Variants in ENTPD1 observed in about 807,000 individuals in gnomAD.
ENTPD1 encodes ectonucleoside triphosphate diphosphohydrolase 1, also known as ATP diphosphohydrolase.
In ENTPD1, 33 loss-of-function variants were observed where a neutral mutation model predicts 57.0. The observed-to-expected ratio is 0.58, with a 90% CI of 0.44 to 0.77. The LOEUF (loss-of-function observed/expected upper bound fraction) is 0.77, where lower values mean the gene tolerates loss of function less well. Among genes scored for constraint, ENTPD1 ranks in the 30% least tolerant of loss-of-function variants. ENTPD1 has a pLI of 0.00. For synonymous variants in ENTPD1, 202 were observed against 218.8 expected, an observed-to-expected ratio of 0.92 and a Z score of 0.68; for missense variants, 501 against 603.4, an observed-to-expected ratio of 0.83 and a Z score of 1.78.
chr10:95,816,054 C>T (rs1438298008), intron 1 of ENTPD1, among the ~76,000 whole-genome samples: 2 of 152,146 alleles, frequency 1.3e-5, no homozygotes, highest in East Asian at 1.9e-4. Flanking sequence ...TTTCCTTTTC[C>T]GGTGGAGTGC....
At position 95,866,667 on chromosome 10, in the gene ENTPD1, T is replaced by C. The variant is rs1003296151; in HGVS notation, c.*284T>C. 1 of 1,259,108 alleles carries C rather than the reference T, an allele frequency of 7.9e-7. No homozygotes were observed. Among genetic ancestry groups the C allele is most frequent in the Non-Finnish European group, 1.0e-6 (1 of 990,122 alleles). The allele number at this position is 1,259,108 out of a possible 1,614,324, so 78.0% of individuals were successfully genotyped here. Reference sequence around the variant, plus strand: ...GGTTTTAAAGACCTGACACCTTTCATAATCTTTGCTTTATAAAAGAACAAT... The same window carrying C: ...GGTTTTAAAGACCTGACACCTTTCACAATCTTTGCTTTATAAAAGAACAAT... On this transcript the variant is annotated 3_prime_UTR_variant, in exon 10 of 10. Coordinates refer to ENST00000371205, the MANE Select transcript of ENTPD1 (RefSeq NM_001776.6).
chr10:95,820,106 A>C (rs1375737099), intron 1 of ENTPD1, among the ~76,000 whole-genome samples: 2 of 151,956 alleles, frequency 1.3e-5, no homozygotes, highest in Admixed American at 6.6e-5. Context: ...CACCTCTAGC[A>C]CCTCTTCTTT....
chr10:95,856,316 T>C (rs2098454611), intron 7 of ENTPD1, among the ~76,000 whole-genome samples: 1 of 152,140 alleles, frequency 6.6e-6, no homozygotes, highest in African/African-American at 2.4e-5. Context: ...CCTGCAAGAA[T>C]GGTCATAATT....
chr10:95,839,011 T>C (rs1425406034), intron 2 of ENTPD1, among the ~76,000 whole-genome samples: 1 of 152,210 alleles, frequency 6.6e-6, no homozygotes, highest in Non-Finnish European at 1.5e-5. Context: ...TTAAATACAA[T>C]TTTACAGTTA....
At chr10:95,804,595 A>G (rs982025409) in intron 1 of ENTPD1, among the ~76,000 whole-genome samples, 3 of 152,168 alleles carry the variant, frequency 2.0e-5, no homozygotes, top group African/African-American at 7.2e-5. Flanking sequence ...GGCTGAGACA[A>G]TGGGGTTTTC....
At chr10:95,813,773 T>C (rs1344549161) in intron 1 of ENTPD1, among the ~76,000 whole-genome samples, 1 of 152,186 alleles carries the variant, frequency 6.6e-6, no homozygotes, top group East Asian at 1.9e-4. Context: ...ATGTAACCTC[T>C]AAATTTTGTA....
intron 7 of ENTPD1, among the ~76,000 whole-genome samples, chr10:95,847,952 C>G (rs1419545652): frequency 6.6e-6 from 1 of 152,160 alleles, no homozygotes; most frequent in Non-Finnish European, 1.5e-5. Flanking sequence ...TCACTGCCTC[C>G]TTTTTGGCTC....
At chr10:95,766,210 A>G (rs1247272569) in intron 1 of ENTPD1, among the ~76,000 whole-genome samples, 2 of 152,172 alleles carry the variant, frequency 1.3e-5, no homozygotes, top group Non-Finnish European at 2.9e-5. Context: ...AGTTGTATAT[A>G]TTATGTTCCT....
At chr10:95,826,893 C>G (rs1442018893) in intron 2 of ENTPD1, among the ~76,000 whole-genome samples, 2 of 151,980 alleles carry the variant, frequency 1.3e-5, no homozygotes, top group Admixed American at 6.6e-5. Context: ...GGAGGGGGAG[C>G]CTTTGGGTTC....
At chr10:95,775,851 A>G (rs2098131821) in intron 1 of ENTPD1, among the ~76,000 whole-genome samples, 1 of 152,168 alleles carries the variant, frequency 6.6e-6, no homozygotes, top group Admixed American at 6.5e-5. Flanking sequence ...TATTTAGGAT[A>G]GTTAGCTCTT....
intron 1 of ENTPD1, among the ~76,000 whole-genome samples, chr10:95,745,183 A>T (rs1011452677): frequency 6.6e-6 from 1 of 151,982 alleles, no homozygotes. Context: ...TACTTTTTTT[A>T]AATGTTTTTT....
intron 2 of ENTPD1, among the ~76,000 whole-genome samples, chr10:95,833,097 G>C (rs1315532319): frequency 6.6e-6 from 1 of 152,208 alleles, no homozygotes; most frequent in Non-Finnish European, 1.5e-5. Flanking sequence ...ACTTTGGAAA[G>C]ATTTGCTCTG....
At chr10:95,850,245 A>G (rs928226915) in intron 7 of ENTPD1, among the ~76,000 whole-genome samples, 2 of 152,268 alleles carry the variant, frequency 1.3e-5, no homozygotes, top group Admixed American at 6.5e-5. Context: ...GCCTGCCTCT[A>G]TGTAGGATCT....
Position 95,869,550 on chromosome 10 carries a change from A to G in ENTPD1, c.*3167A>G, listed in dbSNP as rs906516124. On this transcript the variant is annotated 3_prime_UTR_variant, in exon 10 of 10. Transcript: ENST00000371205. Reference sequence around the variant, plus strand: ...CAGGAGTGAGCCACCATGCCTGGCCAGAAGTGGTTACTTCTGTAGACAAAA... The same window carrying G: ...CAGGAGTGAGCCACCATGCCTGGCCGGAAGTGGTTACTTCTGTAGACAAAA... 11 of 985,214 alleles carry G rather than the reference A, an allele frequency of 1.1e-5. No individual in the cohort carries two copies. In the African/African-American group the frequency reaches 1.7e-4, roughly 16 times the overall value. 61.0% of individuals were successfully genotyped at this position (985,214 alleles called of 1,614,324 possible).
intron 1 of ENTPD1, among the ~76,000 whole-genome samples, chr10:95,799,443 G>A (rs1156617949): frequency 6.6e-6 from 1 of 152,130 alleles, no homozygotes; most frequent in Non-Finnish European, 1.5e-5. Context: ...ATGGCCTCCA[G>A]CTCCATGCCT....
At chr10:95,767,332 AAG>A in intron 1 of ENTPD1, among the ~76,000 whole-genome samples, 1 of 150,308 alleles carries the variant, frequency 6.7e-6, no homozygotes, top group African/African-American at 2.5e-5. Flanking sequence ...AAAAAAAAAA[AAG>A]AAAGAAAAAA....
upstream of ENTPD1, chr10:95,755,761 T>C: frequency 6.5e-7 from 1 of 1,537,008 alleles, no homozygotes; most frequent in Non-Finnish European, 8.7e-7. Context: ...TCGAGCGGGT[T>C]TCAAGGTAAC....
In ENTPD1 at chr10:95,832,413, C is replaced by T. The variant is rs559098007; in HGVS notation, c.145-7278C>T. Among the ~76,000 whole-genome samples the T allele has an allele frequency of 2.6e-5, 4 of 152,272 alleles. No individual in the cohort carries two copies. The South Asian group carries it at 8.3e-4, about 32-fold the overall frequency. On this transcript the variant is annotated intron_variant, in intron 2 of 9. Coordinates refer to ENST00000371205, the MANE Select transcript of ENTPD1 (RefSeq NM_001776.6). Reference sequence around the variant, plus strand: ...CTTAAAAAAAAATAGCCTTAATGAACTGAAGAGTCATTAGCTGTACCCAAG... The same window carrying T: ...CTTAAAAAAAAATAGCCTTAATGAATTGAAGAGTCATTAGCTGTACCCAAG...
chr10:95,748,587 G>T (rs2098008556), intron 1 of ENTPD1, among the ~76,000 whole-genome samples: 1 of 152,174 alleles, frequency 6.6e-6, no homozygotes, highest in African/African-American at 2.4e-5. Context: ...GTCTCCAGCA[G>T]ATAAGGGCTT....
Sources: gnomAD v4.1 joint callset for allele counts (sites outside exome capture counted in the v4.1 genomes callset) on GRCh38, gnomAD v4.1.1 for gene constraint, MANE v1.5 for transcripts, NCBI Gene and HGNC (gene_info 2026-07-23, HGNC 2026-07-21) for gene names.